MOSPD2: variants seen among roughly 807,000 people sequenced by gnomAD.
MOSPD2 encodes the protein motile sperm domain-containing protein 2.
MOSPD2 carries 5 observed loss-of-function variants against 41.7 expected under a neutral mutation model. The observed-to-expected ratio is 0.12, with a 90% CI of 0.06 to 0.25. MOSPD2 has a LOEUF of 0.25. MOSPD2 is among the 10% of genes least tolerant of loss of function. The pLI is 1.00. For missense variants in MOSPD2, 282 were observed against 375.2 expected (o/e 0.75, Z 2.05); for synonymous variants, 115 against 126.9 (o/e 0.91, Z 0.63).
chrX:14,921,513 G>C lies in MOSPD2; in HGVS notation c.*1704G>C. On this transcript the variant is annotated 3_prime_UTR_variant, in exon 15 of 15. Coordinates refer to ENST00000380492, the MANE Select transcript of MOSPD2 (RefSeq NM_152581.4). ...CTTAATATAATCTAATCCCAAAGTAGTTGTGTATGTTTTCTGTTCCTTGGC... is the reference window on the plus strand; with the variant it reads ...CTTAATATAATCTAATCCCAAAGTACTTGTGTATGTTTTCTGTTCCTTGGC... The C allele has an allele frequency of 1.7e-6, 1 of 605,627 alleles. No individual in the cohort carries two copies. Among genetic ancestry groups the C allele is most frequent in the Non-Finnish European group, 2.2e-6 (1 of 454,638 alleles). The allele number at this position is 605,627 out of a possible 1,213,427, so 49.9% of individuals were successfully genotyped here.
chrX:14,891,576 AT>A (rs1302415831), intron 2 of MOSPD2, among the ~76,000 whole-genome samples: 19 of 90,511 alleles, frequency 2.1e-4, no homozygotes, highest in Admixed American at 3.5e-4. Flanking sequence ...TTATTTATTT[AT>A]TTTTTTTTTT....
At chrX:14,897,287 C>G in intron 5 of MOSPD2, 49 bp downstream of exon 5, 1 of 1,043,801 alleles carries the variant, frequency 9.6e-7, no homozygotes, top group African/African-American at 1.9e-5. Flanking sequence ...ATGGCTTCCT[C>G]CCTTTCTCCT....
At chrX:14,916,059 C>G in intron 12 of MOSPD2, 138 bp from the exon 13 acceptor site, 1 of 1,019,992 alleles carries the variant, frequency 9.8e-7, no homozygotes, top group African/African-American at 1.9e-5. Flanking sequence ...ACTTTTAGAA[C>G]TTTTTCCTTT....
chrX:14,906,257 C>T (rs1310020992), intron 7 of MOSPD2, among the ~76,000 whole-genome samples: 1 of 111,553 alleles, frequency 9.0e-6, no homozygotes, highest in East Asian at 2.8e-4. Context: ...TCAGTGAAAT[C>T]GAATTGAGGG....
chrX:14,876,016 G>T (rs113402333), intron 2 of MOSPD2, among the ~76,000 whole-genome samples: 1 of 111,793 alleles, frequency 8.9e-6, no homozygotes, highest in South Asian at 3.7e-4. Context: ...TATACTTACT[G>T]AATGAATATA....
At chrX:14,881,968 C>T (rs1353345629) in intron 2 of MOSPD2, among the ~76,000 whole-genome samples, 1 of 109,037 alleles carries the variant, frequency 9.2e-6, no homozygotes, top group African/African-American at 3.3e-5. Flanking sequence ...ACAATGAGAA[C>T]ACTTGGACAC....
intron 2 of MOSPD2, among the ~76,000 whole-genome samples, chrX:14,878,680 T>G (rs952603651): frequency 8.9e-6 from 1 of 111,975 alleles, no homozygotes; most frequent in African/African-American, 3.2e-5. Flanking sequence ...TTTTGTTTTG[T>G]TTTGGTTTAC....
At chrX:14,900,810 A>C (rs373010992) in intron 6 of MOSPD2, among the ~76,000 whole-genome samples, 175 bp downstream of exon 6, 9 of 111,823 alleles carry the variant, frequency 8.0e-5, no homozygotes, top group African/African-American at 2.9e-4. Flanking sequence ...AAAGTTTTTC[A>C]TAAGTATTCA....
At chrX:14,888,268 C>G (rs866455137) in intron 2 of MOSPD2, among the ~76,000 whole-genome samples, 2 of 106,164 alleles carry the variant, frequency 1.9e-5, no homozygotes, top group African/African-American at 3.4e-5. Context: ...AAAACTGAAC[C>G]CTTCTGATAT....
chrX:14,901,000 C>T (rs2092572128), intron 6 of MOSPD2, among the ~76,000 whole-genome samples: 1 of 111,502 alleles, frequency 9.0e-6, no homozygotes, highest in South Asian at 3.7e-4. Flanking sequence ...TTATATGAAA[C>T]TTCTTGCATA....
intron 2 of MOSPD2, among the ~76,000 whole-genome samples, chrX:14,882,026 G>A (rs6631278): frequency 3.6e-5 from 4 of 109,875 alleles, no homozygotes; most frequent in African/African-American, 1.3e-4. Context: ...GTGGGGGAAG[G>A]GGGGAGGGAT....
chrX:14,909,778 G>A (rs918114001), intron 8 of MOSPD2, among the ~76,000 whole-genome samples: 17 of 111,074 alleles, frequency 1.5e-4, no homozygotes, highest in African/African-American at 5.2e-4. Context: ...GAATAGTTTC[G>A]ATATGTCCTT....
intron 2 of MOSPD2, among the ~76,000 whole-genome samples, chrX:14,874,753 A>G (rs1232975746): frequency 9.0e-6 from 1 of 111,537 alleles, no homozygotes; most frequent in Non-Finnish European, 1.9e-5. Flanking sequence ...CATAGAACAA[A>G]TATGGAAATC....
chrX:14,896,667 G>A (rs1431006759), intron 4 of MOSPD2, among the ~76,000 whole-genome samples: 1 of 112,491 alleles, frequency 8.9e-6, no homozygotes, highest in African/African-American at 3.2e-5. Flanking sequence ...ACAGTTTACC[G>A]TGCTCCACAC....
chrX:14,889,800 C>T (rs1157326657), intron 2 of MOSPD2, among the ~76,000 whole-genome samples: 1 of 111,671 alleles, frequency 9.0e-6, no homozygotes, highest in African/African-American at 3.3e-5. Context: ...ATCAAAGAGC[C>T]GTGGGCTTTA....
chrX:14,874,842 T>C (rs1161186738), intron 2 of MOSPD2, among the ~76,000 whole-genome samples: 1 of 112,105 alleles, frequency 8.9e-6, no homozygotes, highest in African/African-American at 3.2e-5. Flanking sequence ...TTCCAGAGAG[T>C]TGCAAAAGCA....
chrX:14,897,332 G>C, intron 5 of MOSPD2, 94 bp downstream of exon 5: 1 of 714,957 alleles, frequency 1.4e-6, no homozygotes, highest in South Asian at 3.7e-5. Context: ...CTGTAAAATT[G>C]AGGTAACTAA....
intron 13 of MOSPD2, among the ~76,000 whole-genome samples, chrX:14,917,316 G>T (rs2092602116): frequency 8.9e-6 from 1 of 112,116 alleles, no homozygotes; most frequent in Non-Finnish European, 1.9e-5. Flanking sequence ...AACAACAAAT[G>T]CAAAAGGAGT....
intron 7 of MOSPD2, among the ~76,000 whole-genome samples, chrX:14,908,342 G>A (rs988779050): frequency 8.9e-6 from 1 of 111,766 alleles, no homozygotes; most frequent in African/African-American, 3.3e-5. Context: ...TGCAAGGCCT[G>A]GGAGAGAGGC....
Sources: allele counts gnomAD v4.1 joint callset (sites outside exome capture counted in the v4.1 genomes callset), GRCh38; gene constraint gnomAD v4.1.1; transcripts MANE v1.5; gene names NCBI Gene and HGNC (gene_info 2026-07-23, HGNC 2026-07-21).